STAG1: variants seen among roughly 807,000 people sequenced by gnomAD.
STAG1 encodes the protein cohesin subunit SA-1.
Under a neutral mutation model 170.9 loss-of-function variants are expected in STAG1, and 26 were observed. That is an observed-to-expected ratio of 0.15 (90% CI 0.11 to 0.21). STAG1 has a LOEUF of 0.21. Among genes scored for constraint, STAG1 ranks in the 10% least tolerant of loss-of-function variants. The pLI is 1.00. For synonymous variants in STAG1, 514 were observed against 497.7 expected (o/e 1.03, Z -0.44); for missense variants, 964 against 1,509.5 (o/e 0.64, Z 5.99).
At chr3:136,616,611 C>A (rs1358085565) in intron 3 of STAG1, among the ~76,000 whole-genome samples, 2 of 151,970 alleles carry the variant, frequency 1.3e-5, no homozygotes, top group African/African-American at 4.8e-5. Context: ...AAAAGTAGTA[C>A]AGAAAATTAT....
At position 136,531,352 on chromosome 3, in the gene STAG1, C is replaced by T. The variant is rs540228463; in HGVS notation, c.472-9935G>A. On this transcript the variant is annotated intron_variant, in intron 6 of 33. Transcript: ENST00000383202. ...TCAACCATTGTGGAAGTCAGTGTGG[C>T]GATTCCTCAGGGATCTAGAACTGGA... Among the ~76,000 whole-genome samples, 55 of 150,864 alleles carry T rather than the reference C, an allele frequency of 3.6e-4. No homozygotes were observed. In the South Asian group the frequency reaches 5.9e-3, roughly 16 times the overall value.
intron 16 of STAG1, among the ~76,000 whole-genome samples, chr3:136,427,382 C>T (rs569984000): frequency 6.6e-6 from 1 of 152,290 alleles, no homozygotes; most frequent in Admixed American, 6.5e-5. Flanking sequence ...TGACACTAAT[C>T]ATCTTTGCAT....
chr3:136,569,318 CTG>C, intron 4 of STAG1, among the ~76,000 whole-genome samples: 1 of 150,028 alleles, frequency 6.7e-6, no homozygotes. Context: ...AATCAAATAA[CTG>C]AATTTATCAA....
At chr3:136,391,157 T>C (rs922567880) in intron 22 of STAG1, among the ~76,000 whole-genome samples, 1 of 152,164 alleles carries the variant, frequency 6.6e-6, no homozygotes, top group Non-Finnish European at 1.5e-5. Context: ...ACATAAAGGA[T>C]TTGAAATAGG....
intron 7 of STAG1, among the ~76,000 whole-genome samples, chr3:136,517,477 G>A (rs1313156477): frequency 2.0e-5 from 3 of 152,022 alleles, no homozygotes; most frequent in Non-Finnish European, 2.9e-5. Context: ...TCAACAAGTT[G>A]TAAAGTATTG....
At chr3:136,742,027 C>T (rs1934696260) in intron 1 of STAG1, among the ~76,000 whole-genome samples, 2 of 152,108 alleles carry the variant, frequency 1.3e-5, no homozygotes, top group Non-Finnish European at 2.9e-5. Context: ...ACATGTCTTA[C>T]AACAGAGCTT....
chr3:136,587,886 C>T (rs917855566), intron 4 of STAG1, among the ~76,000 whole-genome samples: 3 of 151,846 alleles, frequency 2.0e-5, no homozygotes, highest in Non-Finnish European at 4.4e-5. Flanking sequence ...AGCTTGAACC[C>T]GGGGGGGCGG....
At chr3:136,726,713 T>G (rs148259761) in intron 1 of STAG1, among the ~76,000 whole-genome samples, 119 of 152,314 alleles carry the variant, frequency 7.8e-4, no homozygotes, top group African/African-American at 2.8e-3. Context: ...TATGAGCCAC[T>G]GCACCCGTCC....
chr3:136,486,008 T>TTTCC (rs2107836688), intron 9 of STAG1, among the ~76,000 whole-genome samples: 1 of 152,264 alleles, frequency 6.6e-6, no homozygotes, highest in Admixed American at 6.5e-5. Context: ...TATGTGGGAG[T>TTTCC]TTCCTTAGAG....
At chr3:136,339,769 A>C (rs181009655) in intron 32 of STAG1, among the ~76,000 whole-genome samples, 96 of 152,270 alleles carry the variant, frequency 6.3e-4, no homozygotes, top group African/African-American at 2.3e-3. Context: ...AAAAACATAA[A>C]CACCATGCAT....
chr3:136,463,930 G>C (rs1041180812), intron 13 of STAG1, among the ~76,000 whole-genome samples: 1 of 146,310 alleles, frequency 6.8e-6, no homozygotes, highest in Admixed American at 6.8e-5. Context: ...ATTTTAAAAT[G>C]ATTTAAAGAA....
chr3:136,606,197 T>C (rs909294783), intron 3 of STAG1, among the ~76,000 whole-genome samples: 3 of 152,090 alleles, frequency 2.0e-5, no homozygotes, highest in Non-Finnish European at 2.9e-5. Context: ...TTTGAATTTT[T>C]TTTTTTTTTG....
intron 22 of STAG1, among the ~76,000 whole-genome samples, chr3:136,392,430 A>G (rs1314356269): frequency 6.6e-6 from 1 of 152,166 alleles, no homozygotes; most frequent in East Asian, 1.9e-4. Context: ...AGTACATTGT[A>G]ATCTCAATAA....
chr3:136,496,741 G>A (rs1482364098), intron 9 of STAG1, among the ~76,000 whole-genome samples: 2 of 152,090 alleles, frequency 1.3e-5, no homozygotes, highest in African/African-American at 4.8e-5. Context: ...ACTAAGAAGA[G>A]CTGAAGAAGT....
chr3:136,684,285 T>TA (rs1024694220), intron 1 of STAG1, among the ~76,000 whole-genome samples: 2 of 152,180 alleles, frequency 1.3e-5, no homozygotes, highest in African/African-American at 2.4e-5. Context: ...AGATTTACTA[T>TA]AAATCTACAG....
rs10675753 is a variant in STAG1, at chr3:136,725,279, GGT to G, written c.-84+26914_-84+26915del. Among the ~76,000 whole-genome samples the G allele has an allele frequency of 4.4e-3, 663 of 150,872 alleles. 5 individuals carry two copies. Among genetic ancestry groups the G allele is most frequent in the African/African-American group, 0.015 (624 of 41,160 alleles). Reference sequence around the variant, plus strand: ...AAGAACTAGAAAACAAAATTATACGGGTGTGTGTGTGTGTGTGTTTAAAATAA... The same window carrying G: ...AAGAACTAGAAAACAAAATTATACGGGTGTGTGTGTGTGTGTTTAAAATAA... On this transcript the variant is annotated intron_variant, in intron 1 of 33. Transcript: ENST00000383202.
chr3:136,498,859 A>G (rs1037320089), intron 9 of STAG1, among the ~76,000 whole-genome samples: 2 of 152,222 alleles, frequency 1.3e-5, no homozygotes, highest in Non-Finnish European at 2.9e-5. Context: ...ACCTATTTCA[A>G]AAGAACATTT....
rs140789040 is a variant in STAG1 at position 136,467,475 on chromosome 3, T to C, written c.1206-2487A>G. ...AAGAGCTAACTATCCTAAATATATA[T>C]GCACCCAATACAGGAGCACCCAGAT... On this transcript the variant is annotated intron_variant, in intron 12 of 33. Transcript: ENST00000383202. Among the ~76,000 whole-genome samples, 744 of 152,188 alleles carry C rather than the reference T, an allele frequency of 4.9e-3. 9 individuals are homozygous for C. The highest frequency in any genetic ancestry group is 0.017 in the African/African-American group (706 of 41,506).
chr3:136,433,456 A>G, intron 16 of STAG1, 100 bp downstream of exon 16: 1 of 810,000 alleles, frequency 1.2e-6, no homozygotes, highest in South Asian at 1.6e-5. Flanking sequence ...TAAAAACACC[A>G]TGTTTTTAGG....
Sources: gnomAD v4.1 joint callset for allele counts (sites outside exome capture counted in the v4.1 genomes callset) on GRCh38, gnomAD v4.1.1 for gene constraint, MANE v1.5 for transcripts, NCBI Gene and HGNC (gene_info 2026-07-23, HGNC 2026-07-21) for gene names.